SHANK1: variants seen among roughly 807,000 people sequenced by gnomAD.
The protein encoded by SHANK1 is SH3 and multiple ankyrin repeat domains 1.
A neutral mutation model predicts 165.6 loss-of-function variants in SHANK1; 35 were observed. The observed-to-expected ratio is 0.21, with a 90% CI of 0.16 to 0.28. SHANK1 has a LOEUF of 0.28. SHANK1 is among the 10% of genes least tolerant of loss of function. SHANK1 has a pLI of 1.00. For synonymous variants in SHANK1, 1,428 were observed against 1,384.8 expected, an observed-to-expected ratio of 1.03 and a Z score of -0.69; for missense variants, 2,681 against 3,036.4, an observed-to-expected ratio of 0.88 and a Z score of 2.75.
chr19:50,698,598 T>C lies in SHANK1; in HGVS notation c.1748-642A>G, dbSNP rs141087022. ...CATGCCTGCTGCTGAAAAACAGAGATATATGACAAGAACAGCTAATGCGTA... is the reference window on the plus strand; with the variant it reads ...CATGCCTGCTGCTGAAAAACAGAGACATATGACAAGAACAGCTAATGCGTA... On this transcript the variant is annotated intron_variant, in intron 12 of 23. Coordinates refer to ENST00000293441, the MANE Select transcript of SHANK1 (RefSeq NM_016148.5). Among the ~76,000 whole-genome samples the C allele has an allele frequency of 4.2e-3, 606 of 145,784 alleles. 7 individuals are homozygous for C. The highest frequency in any genetic ancestry group is 0.015 in the African/African-American group (571 of 39,290).
At chr19:50,672,338 G>A (rs1171267388) in intron 21 of SHANK1, among the ~76,000 whole-genome samples, 2 of 152,018 alleles carry the variant, frequency 1.3e-5, no homozygotes, top group Non-Finnish European at 2.9e-5. Flanking sequence ...CTGAGGTCAG[G>A]AGTTCAAGAC....
rs545339253 is a variant in SHANK1 at position 50,671,701 on chromosome 19, T to C, written c.2674+317A>G. 1.3e-4 allele frequency among the ~76,000 whole-genome samples: 20 copies of C among 152,064 alleles called. 1 individual carries two copies. The South Asian group carries it at 4.2e-3, about 32-fold the overall frequency. On this transcript the variant is annotated intron_variant, in intron 22 of 23. Transcript: ENST00000293441. ...GGTAAACACTTGTAAAATGAATGAA[T>C]GGATGGAATCGGGTATAAGAGAAAC...
chr19:50,700,764 C>A (rs1986891716), intron 12 of SHANK1, among the ~76,000 whole-genome samples: 2 of 152,094 alleles, frequency 1.3e-5, no homozygotes, highest in Non-Finnish European at 2.9e-5. Context: ...CTCTGCCTGC[C>A]CGGAAGGTCC....
rs903286701 is a variant in SHANK1 at position 50,666,572 on chromosome 19, C to T, written c.5388G>A (p.Gly1796=). The T allele has an allele frequency of 1.0e-5, 16 of 1,599,908 alleles. No homozygotes were observed. The highest frequency in any genetic ancestry group is 1.3e-5 in the African/African-American group (1 of 74,826). ...CTGAACAAGCACGCAGGGCCAGCAGCCCATCGGTTCCAGCCCCTGTCACCG... is the reference window on the plus strand; with the variant it reads ...CTGAACAAGCACGCAGGGCCAGCAGTCCATCGGTTCCAGCCCCTGTCACCG... ...TVSVTGAGTD[G]LLALRACSGP... The change falls in exon 23 of 24, where the codon GGG becomes GGA. Residue 1796 remains glycine (G), a synonymous_variant. Coordinates refer to ENST00000293441, the MANE Select transcript of SHANK1 (RefSeq NM_016148.5).
rs1568424179 is a variant in SHANK1 at position 50,662,189 on chromosome 19, T to C, written c.6262A>G (p.Lys2088Glu). 1 of 1,609,792 alleles carries C rather than the reference T, an allele frequency of 6.2e-7. No homozygotes were observed. The highest frequency in any genetic ancestry group is 1.7e-5 in the Admixed American group (1 of 59,860). The change falls in exon 24 of 24, where the codon AAG (lysine) becomes GAG (glutamate). Residue 2088 changes from lysine to glutamate, a missense_variant. Lys to Glu is a moderately conservative substitution (Grantham distance 56). Transcript: ENST00000293441. The surrounding 1 kb of genome is among the most constrained non-coding windows in gnomAD (Gnocchi z 7.7). ...CCCAGAGGTTTAGCGCCAAACGGCT[T>C]GTCCGGGGGCAGCGAGAGCAGGCGG... ...PTRLLSLPPDKPFGAKPLGFW... is the reference protein window; with the variant it reads ...PTRLLSLPPDEPFGAKPLGFW...
Position 50,666,212 on chromosome 19 carries a change from G to T in SHANK1, c.5748C>A (p.Thr1916=). 6.2e-7 allele frequency: 1 copy of T among 1,602,804 alleles called. No individual in the cohort carries two copies. Among genetic ancestry groups the T allele is most frequent in the East Asian group, 2.2e-5 (1 of 44,556 alleles). ...CTTACCTCTGCCGCTGCAGGGAGGA[G>T]GTCCTCTCGGGGACATAGCTGGCTC... ...HGGASYVPER[T]SSLQRQRLSD... Residue 1916 remains threonine (T), a synonymous_variant, in exon 23 of 24, where the codon ACC becomes ACA. Coordinates refer to ENST00000293441, the MANE Select transcript of SHANK1 (RefSeq NM_016148.5).
At position 50,716,200 on chromosome 19, in the gene SHANK1, TAAA is replaced by T; in HGVS notation, c.459+72_459+74del. 1 of 1,430,892 alleles carries T rather than the reference TAAA, an allele frequency of 7.0e-7. No homozygotes were observed. Among genetic ancestry groups the T allele is most frequent in the South Asian group, 1.2e-5 (1 of 84,374 alleles). The allele number at this position is 1,430,892 out of a possible 1,614,324, so 88.6% of individuals were successfully genotyped here. A position where few individuals can be genotyped will look rare whatever the true frequency, so the allele number is the denominator to read the frequency against. On this transcript the variant is annotated intron_variant, in intron 3 of 23. Transcript: ENST00000293441. The surrounding 1 kb of genome is among the most constrained non-coding windows in gnomAD (Gnocchi z 8.4). ...CCCCTCGTTAAGGTTTCGAGTGTGTTAAAAAGTGGGTGGGGGGCAGATGTGTTT... is the reference window on the plus strand; with the variant it reads ...CCCCTCGTTAAGGTTTCGAGTGTGTTAAGTGGGTGGGGGGCAGATGTGTTT...
At chr19:50,671,476 C>A (rs574437733) in intron 22 of SHANK1, among the ~76,000 whole-genome samples, 1 of 139,598 alleles carries the variant, frequency 7.2e-6, no homozygotes, top group South Asian at 2.3e-4. Context: ...AGCCGCTGCG[C>A]CCGGCCCACT....
At chr19:50,687,503 C>T (rs1353917930) in intron 19 of SHANK1, 79 bp downstream of exon 19, 1 of 1,159,710 alleles carries the variant, frequency 8.6e-7, no homozygotes, top group Non-Finnish European at 1.2e-6. Context: ...ACTAACAACA[C>T]TAACGAACTC....
At chr19:50,663,313 AAGAG>A (rs1267471500) in intron 23 of SHANK1, 2 of 153,938 alleles carry the variant, frequency 1.3e-5, no homozygotes, top group African/African-American at 4.8e-5. Context: ...AGGGAGATGA[AAGAG>A]AGAAGAAACA....
In SHANK1 at chr19:50,718,032, T is replaced by G. The variant is rs1221745042; in HGVS notation, c.-43-1070A>C. On this transcript the variant is annotated intron_variant, in intron 1 of 23. Coordinates refer to ENST00000293441, the MANE Select transcript of SHANK1 (RefSeq NM_016148.5). This position sits in a 1 kb window ranked among gnomAD's most constrained non-coding sequence, Gnocchi z 5.1. The stretch of plus-strand genomic sequence containing the variant: ...CCGGAAACCAGAATGTCTGGTCTGG[T>G]CCCTCCCCCCAACACCAGGCCCGGT... 6.6e-6 allele frequency among the ~76,000 whole-genome samples: 1 copy of G among 151,860 alleles called. No individual in the cohort carries two copies. Among genetic ancestry groups the G allele is most frequent in the Non-Finnish European group, 1.5e-5 (1 of 67,950 alleles).
intron 12 of SHANK1, among the ~76,000 whole-genome samples, chr19:50,701,514 A>G (rs1986915883): frequency 6.6e-6 from 1 of 151,976 alleles, no homozygotes; most frequent in Admixed American, 6.6e-5. Flanking sequence ...CTTATATGGC[A>G]CTTGTTATGT....
At chr19:50,710,773 C>G (rs532503214) in intron 8 of SHANK1, among the ~76,000 whole-genome samples, 1 of 152,232 alleles carries the variant, frequency 6.6e-6, no homozygotes, top group African/African-American at 2.4e-5. Flanking sequence ...GGGGGCTGCA[C>G]GTTGGCCTTT....
intron 21 of SHANK1, among the ~76,000 whole-genome samples, chr19:50,680,627 C>T (rs980007373): frequency 6.6e-6 from 1 of 151,826 alleles, no homozygotes; most frequent in Non-Finnish European, 1.5e-5. Context: ...TTGAAATCTC[C>T]CAGTTTCCAA....
chr19:50,716,525 A>G lies in SHANK1; in HGVS notation c.256-47T>C, dbSNP rs1206301052. On this transcript the variant is annotated intron_variant, in intron 2 of 23. Transcript: ENST00000293441. This position sits in a 1 kb window ranked among gnomAD's most constrained non-coding sequence, Gnocchi z 8.4. ...GCTAGGGTGGGCCAGGGGCCAGAGG[A>G]GAGCCTGAGGTGGGTTGGGAAGTGA... The G allele has an allele frequency of 6.2e-7, 1 of 1,604,554 alleles. No homozygotes were observed. The highest frequency in any genetic ancestry group is 1.7e-5 in the Admixed American group (1 of 59,630).
chr19:50,702,573 C>T lies in SHANK1; in HGVS notation c.1641G>A (p.Arg547=). 1 of 1,611,070 alleles carries T rather than the reference C, an allele frequency of 6.2e-7. No homozygotes were observed. Among genetic ancestry groups the T allele is most frequent in the Non-Finnish European group, 8.5e-7 (1 of 1,179,074 alleles). ...CGGGTACCGCTGAGTAGAGCTTCCTCCGCCTCCCGCGGCTGCCCAGGGAGC... is the reference window on the plus strand; with the variant it reads ...CGGGTACCGCTGAGTAGAGCTTCCTTCGCCTCCCGCGGCTGCCCAGGGAGC... The part of the protein sequence containing the change: ...PGGSLGSRGR[R]RKLYSAVPGR... The change falls in exon 12 of 24, where the codon CGG becomes CGA. Residue 547 remains arginine (R), a synonymous_variant. Coordinates refer to ENST00000293441, the MANE Select transcript of SHANK1 (RefSeq NM_016148.5). The surrounding 1 kb of genome is among the most constrained non-coding windows in gnomAD (Gnocchi z 5.3).
Position 50,717,751 on chromosome 19 carries a change from G to A in SHANK1, c.-43-789C>T, listed in dbSNP as rs1056027015. 2.0e-4 allele frequency among the ~76,000 whole-genome samples: 31 copies of A among 152,038 alleles called. No individual in the cohort carries two copies. Among genetic ancestry groups the A allele is most frequent in the African/African-American group, 7.0e-4 (29 of 41,374 alleles). ...TGGTGTGGTGGCCCGGGTAGATGTG[G>A]GTGGCTGCAGATGACCTGTAGCTCT... On this transcript the variant is annotated intron_variant, in intron 1 of 23. Coordinates refer to ENST00000293441, the MANE Select transcript of SHANK1 (RefSeq NM_016148.5). The surrounding 1 kb of genome is among the most constrained non-coding windows in gnomAD (Gnocchi z 5.5).
rs190261470 is a variant in SHANK1 at position 50,670,174 on chromosome 19, C to T, written c.2675-889G>A. On this transcript the variant is annotated intron_variant, in intron 22 of 23. Transcript: ENST00000293441. This position sits in a 1 kb window ranked among gnomAD's most constrained non-coding sequence, Gnocchi z 4.1. ...AGCTCCTGATCTCCTCACCAACAGA[C>T]TCCTCCCAGCCCACGGTCCCTCCCC... Among the ~76,000 whole-genome samples, 26 of 152,254 alleles carry T rather than the reference C, an allele frequency of 1.7e-4. No individual in the cohort carries two copies. Among genetic ancestry groups the T allele is most frequent in the Admixed American group, 1.6e-3 (25 of 15,286 alleles).
intron 21 of SHANK1, among the ~76,000 whole-genome samples, chr19:50,674,986 C>T (rs1021960958): frequency 4.0e-5 from 6 of 148,772 alleles, no homozygotes; most frequent in East Asian, 4.0e-4. Flanking sequence ...CACTTGAACC[C>T]GGGAGGCGGA....
Sources: gnomAD v4.1 joint callset for allele counts (sites outside exome capture counted in the v4.1 genomes callset) on GRCh38, gnomAD v4.1.1 for gene constraint, Gnocchi (gnomAD v3.1) non-coding constraint, MANE v1.5 for transcripts, NCBI Gene and HGNC (gene_info 2026-07-23, HGNC 2026-07-21) for gene names.